The following RNF213 variants were observed in gnomAD, a reference collection of about 807,000 sequenced individuals.
RNF213 encodes the protein E3 ubiquitin-protein ligase RNF213.
A neutral mutation model predicts 514.4 loss-of-function variants in RNF213; 341 were observed. That is an observed-to-expected ratio of 0.66 (90% CI 0.61 to 0.73). The LOEUF is 0.73. Among genes scored for constraint, RNF213 ranks in the 30% least tolerant of loss-of-function variants. The probability of loss-of-function intolerance (pLI) is 0.00; values close to 1 mark genes in which losing one functional copy is unlikely to be tolerated. For missense variants in RNF213, 5,767 were observed against 6,615.6 expected (o/e 0.87, Z 4.45); for synonymous variants, 2,655 against 2,658.2 (o/e 1.00, Z 0.04).
In RNF213 at chr17:80,347,806, G is replaced by A; in HGVS notation, c.9471G>A (p.Val3157=). ...TTGTCATTGAAGAGAAAGACGTCGT[G>A]TACAAACACTTTCCCATCCCCCTCA... is the stretch of plus-strand genomic sequence containing the variant. ...RLIVIEEKDV[V]YKHFPIPLIN... is the part of the protein sequence containing the mutation. The change falls in exon 29 of 68, where the codon GTG becomes GTA. Residue 3157 remains valine, a synonymous_variant. Transcript: ENST00000582970. This position sits in a 1 kb window ranked among gnomAD's most constrained non-coding sequence, Gnocchi z 7.2. 1 of 1,614,224 alleles carries A rather than the reference G, an allele frequency of 6.2e-7. No homozygotes were observed. The highest frequency in any genetic ancestry group is 1.3e-5 in the African/African-American group (1 of 75,072).
chr17:80,377,167 A>T lies in RNF213; in HGVS notation c.13510+204A>T. The T allele has an allele frequency of 5.0e-6, 3 of 596,838 alleles. No homozygotes were observed. The highest frequency in any genetic ancestry group is 9.0e-6 in the Non-Finnish European group (3 of 331,820). The allele number at this position is 596,838 out of a possible 1,614,324, so 37.0% of individuals were successfully genotyped here. On this transcript the variant is annotated intron_variant, in intron 53 of 67. Coordinates refer to ENST00000582970, the MANE Select transcript of RNF213 (RefSeq NM_001256071.3). The surrounding 1 kb of genome is among the most constrained non-coding windows in gnomAD (Gnocchi z 4.1). ...CCGGCTAGATGATCCAAACCATTTC[A>T]TTTCTTTGTCGTGTGGAAAAGGCCC...
intron 67 of RNF213, among the ~76,000 whole-genome samples, chr17:80,391,598 G>A (rs2080473370): frequency 1.3e-5 from 2 of 151,984 alleles, no homozygotes; most frequent in Admixed American, 6.6e-5. Flanking sequence ...GGTTGTGAGA[G>A]CTCTTTGCAT....
intron 32 of RNF213, 91 bp downstream of exon 32, chr17:80,351,894 C>A: frequency 2.6e-6 from 2 of 759,024 alleles, no homozygotes; most frequent in South Asian, 1.5e-5. Flanking sequence ...CTTGCTCTGT[C>A]ACCAGGCTGG....
chr17:80,274,580 T>G, intron 3 of RNF213, among the ~76,000 whole-genome samples: 1 of 33,702 alleles, frequency 3.0e-5, no homozygotes, highest in African/African-American at 1.2e-4. Flanking sequence ...CGCAGTGCTG[T>G]GGTCTGTGGG....
rs375097553 is a variant in RNF213 at position 80,358,422 on chromosome 17, T to C, written c.10997T>C (p.Met3666Thr). The change falls in exon 37 of 68, where the codon ATG becomes ACG. Residue 3666 changes from methionine to threonine, a missense_variant. Coordinates refer to ENST00000582970, the MANE Select transcript of RNF213 (RefSeq NM_001256071.3). ...CCGCCCTGGGCAAGAGATCTTTGGA[T>C]GTTTATTTTCAGTGACACGATGCTT... ...DTPPWARDLW[M>T]FIFSDTMLLN... 1.0e-4 allele frequency: 167 copies of C among 1,614,174 alleles called. No individual in the cohort carries two copies. In the East Asian group the frequency reaches 2.3e-3, roughly 22 times the overall value.
chr17:80,362,619 T>C (rs972914262), intron 39 of RNF213, among the ~76,000 whole-genome samples: 2 of 152,222 alleles, frequency 1.3e-5, no homozygotes, highest in African/African-American at 2.4e-5. Context: ...GCGTGCACAG[T>C]GGGCGCCCTG....
chr17:80,373,234 C>G (rs1357627617), intron 49 of RNF213, 69 bp downstream of exon 49: 1 of 1,322,232 alleles, frequency 7.6e-7, no homozygotes, highest in Admixed American at 2.3e-5. Context: ...AACCCACACA[C>G]CCCCCTACCC....
At chr17:80,391,213 C>T (rs984384710) in intron 67 of RNF213, among the ~76,000 whole-genome samples, 1 of 152,156 alleles carries the variant, frequency 6.6e-6, no homozygotes, top group African/African-American at 2.4e-5. Flanking sequence ...CCCCATTTAC[C>T]GTGAGGCTGA....
At chr17:80,331,675 G>A (rs2046420753) in intron 20 of RNF213, among the ~76,000 whole-genome samples, 1 of 152,236 alleles carries the variant, frequency 6.6e-6, no homozygotes, top group African/African-American at 2.4e-5. Context: ...TTACAGGCAT[G>A]AGCCACTGCG....
At chr17:80,282,557 C>T (rs2143107844) in intron 3 of RNF213, among the ~76,000 whole-genome samples, 1 of 152,174 alleles carries the variant, frequency 6.6e-6, no homozygotes, top group African/African-American at 2.4e-5. Context: ...CACCACCACG[C>T]CCAGCCAATT....
intron 39 of RNF213, 103 bp from the exon 40 acceptor site, chr17:80,362,999 A>G (rs1448255973): frequency 8.9e-7 from 1 of 1,119,196 alleles, no homozygotes; most frequent in African/African-American, 1.6e-5. Context: ...CATGGTTTCT[A>G]ATTTCCTCTT....
At chr17:80,362,815 G>A (rs543589479) in intron 39 of RNF213, among the ~76,000 whole-genome samples, 4 of 152,184 alleles carry the variant, frequency 2.6e-5, no homozygotes, top group South Asian at 2.1e-4. Context: ...AAGTATGGCC[G>A]TATGATGGGT....
At chr17:80,275,998 C>A (rs1180725259) in intron 3 of RNF213, among the ~76,000 whole-genome samples, 1 of 149,794 alleles carries the variant, frequency 6.7e-6, no homozygotes, top group Non-Finnish European at 1.5e-5. Context: ...CATGTTTTGG[C>A]TGTAGGTGTT....
chr17:80,355,709 C>T lies in RNF213; in HGVS notation c.10862+1133C>T, dbSNP rs150960261. On this transcript the variant is annotated intron_variant, in intron 36 of 67. Coordinates refer to ENST00000582970, the MANE Select transcript of RNF213 (RefSeq NM_001256071.3). Reference sequence around the variant, plus strand: ...CGGGGTGACCGGGAATGGGGGCTTACAGAGGAAGAAGCGGGGTGGACGGGA... The same window carrying T: ...CGGGGTGACCGGGAATGGGGGCTTATAGAGGAAGAAGCGGGGTGGACGGGA... Among the ~76,000 whole-genome samples the T allele has an allele frequency of 1.1e-3, 20 of 17,604 alleles. 1 individual carries two copies. Among genetic ancestry groups the T allele is most frequent in the Admixed American group, 3.9e-3 (8 of 2,070 alleles). 11.5% of individuals were successfully genotyped at this position (17,604 alleles called of 152,430 possible).
chr17:80,379,357 T>C, intron 54 of RNF213: 4 of 489,160 alleles, frequency 8.2e-6, no homozygotes, highest in Non-Finnish European at 1.5e-5. Flanking sequence ...TTTTATATAT[T>C]TGTCTATAAA....
chr17:80,375,734 C>A, intron 50 of RNF213, 26 bp from the exon 51 acceptor site: 1 of 1,501,606 alleles, frequency 6.7e-7, no homozygotes, highest in Non-Finnish European at 9.3e-7. Context: ...CTTTTAAATT[C>A]TTACTTGATA....
At chr17:80,364,332 CCCCGGGTCCCGCATCTCTTCT>C (rs1259889376) in intron 41 of RNF213, 80 bp from the exon 42 acceptor site, 6 of 1,553,314 alleles carry the variant, frequency 3.9e-6, no homozygotes, top group Admixed American at 1.7e-5. Flanking sequence ...TGGGCCTGGA[CCCCGGGTCCCGCATCTCTTCT>C]CCCGTCTCCC....
In RNF213 at chr17:80,396,449, G is replaced by A. The variant is rs939796104; in HGVS notation, c.*2951G>A. 6.6e-6 allele frequency: 1 copy of A among 152,120 alleles called. No homozygotes were observed. The highest frequency in any genetic ancestry group is 6.5e-5 in the Admixed American group (1 of 15,278). 9.4% of individuals were successfully genotyped at this position (152,120 alleles called of 1,614,324 possible). ...ATATTGGGAAGAAAATGTCAGCTCAGGGCCAAGTAGGTAAAGCCACCCAAG... is the reference window on the plus strand; with the variant it reads ...ATATTGGGAAGAAAATGTCAGCTCAAGGCCAAGTAGGTAAAGCCACCCAAG... On this transcript the variant is annotated 3_prime_UTR_variant, in exon 68 of 68. Transcript: ENST00000582970.
chr17:80,361,977 T>C, intron 39 of RNF213, 89 bp downstream of exon 39: 1 of 1,427,376 alleles, frequency 7.0e-7, no homozygotes, highest in Non-Finnish European at 9.8e-7. Context: ...CTCAGCTGCC[T>C]GGAGCTGGTG....
Sources: allele counts gnomAD v4.1 joint callset (sites outside exome capture counted in the v4.1 genomes callset), GRCh38; gene constraint gnomAD v4.1.1; non-coding constraint Gnocchi (gnomAD v3.1); transcripts MANE v1.5; gene names NCBI Gene and HGNC (gene_info 2026-07-23, HGNC 2026-07-21).